The following RORA variants were observed in gnomAD, a reference collection of about 807,000 sequenced individuals.
The protein encoded by RORA is RAR related orphan receptor A.
Under a neutral mutation model 69.5 loss-of-function variants are expected in RORA, and 7 were observed. The ratio of observed to expected loss-of-function variants is 0.10; its 90% CI spans 0.06 to 0.19. The LOEUF (loss-of-function observed/expected upper bound fraction) is 0.19. RORA is among the 10% of genes least tolerant of loss of function. The pLI, the probability that RORA is intolerant of heterozygous loss-of-function variation, is 1.00. For missense variants in RORA, 457 were observed against 663.0 expected, an observed-to-expected ratio of 0.69 and a Z score of 3.41; for synonymous variants, 261 against 240.8, an observed-to-expected ratio of 1.08 and a Z score of -0.78.
chr15:60,502,831 G>A lies in RORA; in HGVS notation c.1112C>T (p.Ala371Val). ...CACGGTGTTGTTCTGAGAGTCAAAGGCACGGCACATTCTGATAAACACCAC... is the reference window on the plus strand; with the variant it reads ...CACGGTGTTGTTCTGAGAGTCAAAGACACGGCACATTCTGATAAACACCAC... ...LEVVFIRMCR[A>V]FDSQNNTVYF... Residue 371 changes from alanine to valine, a missense_variant, in exon 8 of 11, where the codon GCC becomes GTC. Physicochemically the swap from Ala to Val is moderately conservative, Grantham distance 64 (BLOSUM62 0). Transcript: ENST00000335670. 1 of 1,613,804 alleles carries A rather than the reference G, an allele frequency of 6.2e-7. No homozygotes were observed. Among genetic ancestry groups the A allele is most frequent in the African/African-American group, 1.3e-5 (1 of 75,002 alleles).
chr15:61,190,159 G>A (rs980514543), intron 1 of RORA, among the ~76,000 whole-genome samples: 14 of 130,468 alleles, frequency 1.1e-4, no homozygotes, highest in African/African-American at 1.8e-4. Context: ...ACTTTTCTCC[G>A]TCAATTAGTA....
intron 3 of RORA, among the ~76,000 whole-genome samples, chr15:60,518,330 A>G (rs1333339009): frequency 1.3e-5 from 2 of 152,260 alleles, no homozygotes; most frequent in Non-Finnish European, 2.9e-5. Flanking sequence ...ATAGAAGCAT[A>G]TATTAATCAT....
At chr15:60,878,279 G>A (rs1223735649) in intron 1 of RORA, among the ~76,000 whole-genome samples, 1 of 148,002 alleles carries the variant, frequency 6.8e-6, no homozygotes, top group East Asian at 2.0e-4. Flanking sequence ...GGGAGGCGGA[G>A]CTTGCAGTGG....
intron 1 of RORA, among the ~76,000 whole-genome samples, chr15:60,814,852 A>T (rs2072788263): frequency 1.3e-5 from 2 of 152,050 alleles, no homozygotes; most frequent in Non-Finnish European, 2.9e-5. Flanking sequence ...ATGTATTAGG[A>T]TTGCTTCTGG....
chr15:60,998,561 A>G (rs1894640515), intron 1 of RORA, among the ~76,000 whole-genome samples: 1 of 151,958 alleles, frequency 6.6e-6, no homozygotes, highest in Non-Finnish European at 1.5e-5. Flanking sequence ...CCACGCCCAG[A>G]TAATTTTTTT....
chr15:60,839,803 T>C (rs1215844443), intron 1 of RORA, among the ~76,000 whole-genome samples: 1 of 152,116 alleles, frequency 6.6e-6, no homozygotes, highest in East Asian at 1.9e-4. Context: ...TGGGAGGAAA[T>C]AAAATCCCAT....
chr15:60,559,815 A>T (rs950113300), intron 2 of RORA, among the ~76,000 whole-genome samples: 1 of 152,252 alleles, frequency 6.6e-6, no homozygotes, highest in Non-Finnish European at 1.5e-5. Flanking sequence ...GTTACAAGAC[A>T]TGGCAAATTG....
At position 60,511,845 on chromosome 15, in the gene RORA, A is replaced by G. The variant is rs1233283512; in HGVS notation, c.425-224T>C. On this transcript the variant is annotated intron_variant, in intron 4 of 10. Coordinates refer to ENST00000335670, the MANE Select transcript of RORA (RefSeq NM_134261.3). This position sits in a 1 kb window ranked among gnomAD's most constrained non-coding sequence, Gnocchi z 6.4. ...TCCCAGAGAAACTCATGTTTCAGAAAGAGGCCTGGTGCAGGTAGGAGGGGC... is the reference window on the plus strand; with the variant it reads ...TCCCAGAGAAACTCATGTTTCAGAAGGAGGCCTGGTGCAGGTAGGAGGGGC... Among the ~76,000 whole-genome samples, 1 of 152,140 alleles carries G rather than the reference A, an allele frequency of 6.6e-6. No homozygotes were observed. Among genetic ancestry groups the G allele is most frequent in the Non-Finnish European group, 1.5e-5 (1 of 68,022 alleles).
intron 1 of RORA, among the ~76,000 whole-genome samples, chr15:60,893,197 A>C (rs1406025299): frequency 6.6e-6 from 1 of 152,252 alleles, no homozygotes; most frequent in Non-Finnish European, 1.5e-5. Context: ...GAGAATTCCC[A>C]GAACTGGAAG....
chr15:61,223,085 G>A (rs915085300), intron 1 of RORA, among the ~76,000 whole-genome samples: 7 of 152,010 alleles, frequency 4.6e-5, no homozygotes, highest in Admixed American at 2.6e-4. Flanking sequence ...AGGCCGAGGC[G>A]GGTGGATTGT....
In RORA at chr15:60,989,671, G is replaced by A. The variant is rs114634035; in HGVS notation, c.166+239382C>T. Among the ~76,000 whole-genome samples the A allele has an allele frequency of 5.9e-3, 893 of 152,246 alleles. 13 individuals are homozygous for A. Among genetic ancestry groups the A allele is most frequent in the African/African-American group, 0.021 (856 of 41,542 alleles). The stretch of plus-strand genomic sequence containing the variant: ...GCTTGTTCGTGGTAGAGTCAGGATT[G>A]GAATCTAGTCCAGACCACTCCAAAA... On this transcript the variant is annotated intron_variant, in intron 1 of 10. Transcript: ENST00000335670.
intron 1 of RORA, among the ~76,000 whole-genome samples, chr15:60,875,086 TC>T (rs561094142): frequency 5.1e-4 from 78 of 152,004 alleles, no homozygotes; most frequent in Non-Finnish European, 9.6e-4. Context: ...TTGCAGAGGG[TC>T]CCATAGCTAG....
intron 2 of RORA, among the ~76,000 whole-genome samples, chr15:60,636,329 G>A (rs994025988): frequency 2.0e-5 from 3 of 152,208 alleles, no homozygotes; most frequent in African/African-American, 7.2e-5. Context: ...TGCATCAAAT[G>A]TGGGAGGAAG....
chr15:60,700,446 C>A (rs2070966035), intron 1 of RORA, among the ~76,000 whole-genome samples: 1 of 152,128 alleles, frequency 6.6e-6, no homozygotes, highest in Non-Finnish European at 1.5e-5. Context: ...ATCTTTCATG[C>A]CACTGATAGG....
At chr15:61,144,915 T>G (rs577970616) in intron 1 of RORA, among the ~76,000 whole-genome samples, 2 of 152,354 alleles carry the variant, frequency 1.3e-5, no homozygotes, top group Admixed American at 6.5e-5. Flanking sequence ...GTATATCCTT[T>G]TACAGTATAT....
intron 1 of RORA, among the ~76,000 whole-genome samples, chr15:60,696,608 C>T (rs1456758625): frequency 6.6e-6 from 1 of 152,118 alleles, no homozygotes; most frequent in East Asian, 1.9e-4. Flanking sequence ...GCTCATATTC[C>T]TCATTTACTT....
At chr15:61,018,027 TAGA>T (rs1429406077) in intron 1 of RORA, among the ~76,000 whole-genome samples, 1 of 152,238 alleles carries the variant, frequency 6.6e-6, no homozygotes, top group Non-Finnish European at 1.5e-5. Flanking sequence ...CTTAAGCACT[TAGA>T]AGCACTGTTC....
In RORA at chr15:60,821,785, A is replaced by C. The variant is rs142982235; in HGVS notation, c.167-143099T>G. On this transcript the variant is annotated intron_variant, in intron 1 of 10. Coordinates refer to ENST00000335670, the MANE Select transcript of RORA (RefSeq NM_134261.3). ...ATACTTGCTATGCTACTCTATCCTC[A>C]CAATCACTCTACAAGAGCCCCAGTT... is the stretch of plus-strand genomic sequence containing the variant. Among the ~76,000 whole-genome samples the C allele has an allele frequency of 6.6e-3, 1,010 of 152,282 alleles. 15 individuals are homozygous for C. Among genetic ancestry groups the C allele is most frequent in the African/African-American group, 0.023 (970 of 41,556 alleles).
intron 1 of RORA, among the ~76,000 whole-genome samples, chr15:61,055,029 GTT>G (rs1004234239): frequency 6.6e-6 from 1 of 152,002 alleles, no homozygotes; most frequent in African/African-American, 2.4e-5. Flanking sequence ...TAGAGACAGG[GTT>G]TCACTATGTT....
Sources: allele counts gnomAD v4.1 joint callset (sites outside exome capture counted in the v4.1 genomes callset), GRCh38; gene constraint gnomAD v4.1.1; non-coding constraint Gnocchi (gnomAD v3.1); transcripts MANE v1.5; gene names NCBI Gene and HGNC (gene_info 2026-07-23, HGNC 2026-07-21).